Variants in FRMPD2 observed in about 807,000 individuals in gnomAD.
FRMPD2 encodes the protein FERM and PDZ domain-containing protein 2.
Under a neutral mutation model 140.1 loss-of-function variants are expected in FRMPD2, and 96 were observed. The observed-to-expected ratio is 0.69, with a 90% confidence interval of 0.58 to 0.81. FRMPD2 has a LOEUF of 0.81. FRMPD2 is among the 40% of genes least tolerant of loss of function. The probability of loss-of-function intolerance (pLI) is 0.00; values close to 1 mark genes in which losing one functional copy is unlikely to be tolerated. For synonymous variants in FRMPD2, 449 were observed against 547.6 expected (o/e 0.82, Z 2.52); for missense variants, 1,240 against 1,447.4 (o/e 0.86, Z 2.32).
chr10:48,268,410 A>G (rs149785789), intron 1 of FRMPD2, among the ~76,000 whole-genome samples: 1 of 152,364 alleles, frequency 6.6e-6, no homozygotes, highest in East Asian at 1.9e-4. Context: ...CAGAGGAAAA[A>G]AAATGAATAT....
intron 22 of FRMPD2, chr10:48,177,463 T>G (rs1227164283): frequency 6.5e-6 from 1 of 153,656 alleles, no homozygotes; most frequent in Non-Finnish European, 1.4e-5. Flanking sequence ...TTCCAACCTC[T>G]GACCTCTGGA....
intron 3 of FRMPD2, among the ~76,000 whole-genome samples, chr10:48,247,331 A>C (rs1438563991): frequency 2.6e-5 from 4 of 152,246 alleles, no homozygotes. Flanking sequence ...AATCTGTGTT[A>C]GCTCAGGTAC....
chr10:48,197,573 T>C (rs1838981723), intron 15 of FRMPD2, among the ~76,000 whole-genome samples: 1 of 152,190 alleles, frequency 6.6e-6, no homozygotes, highest in Non-Finnish European at 1.5e-5. Flanking sequence ...CAGATTCAGA[T>C]GGTCTGGAGT....
chr10:48,178,642 A>G (rs1347210484), intron 21 of FRMPD2, among the ~76,000 whole-genome samples: 2 of 152,180 alleles, frequency 1.3e-5, no homozygotes, highest in Admixed American at 1.3e-4. Context: ...GAGACCCAGA[A>G]GAGCCTGCAG....
chr10:48,222,747 CAA>C (rs1839633435), intron 11 of FRMPD2, among the ~76,000 whole-genome samples: 1 of 152,136 alleles, frequency 6.6e-6, no homozygotes, highest in Non-Finnish European at 1.5e-5. Flanking sequence ...TTCTAATAAA[CAA>C]AGAAATAAAG....
chr10:48,217,292 C>A (rs1219990134), intron 12 of FRMPD2, among the ~76,000 whole-genome samples: 2 of 152,162 alleles, frequency 1.3e-5, no homozygotes, highest in Non-Finnish European at 2.9e-5. Flanking sequence ...ACAAAAACAC[C>A]CTTACCCTCA....
In FRMPD2 at chr10:48,222,465, A is replaced by C. The variant is rs1839623834; in HGVS notation, c.1317-14T>G. Reference sequence around the variant, plus strand: ...GTCAGGCTGTGCCTGGAAAAGAAGTAGCAATAAAAAGGGCTGGGTTGCTAA... The same window carrying C: ...GTCAGGCTGTGCCTGGAAAAGAAGTCGCAATAAAAAGGGCTGGGTTGCTAA... On this transcript the variant is annotated splice_polypyrimidine_tract_variant and intron_variant, in intron 11 of 28. Transcript: ENST00000374201. 6.2e-7 allele frequency: 1 copy of C among 1,613,332 alleles called. No individual in the cohort carries two copies. The highest frequency in any genetic ancestry group is 1.7e-5 in the Admixed American group (1 of 59,924).
intron 16 of FRMPD2, among the ~76,000 whole-genome samples, 183 bp downstream of exon 16, chr10:48,192,501 C>T (rs1002095457): frequency 6.6e-6 from 1 of 152,034 alleles, no homozygotes; most frequent in Non-Finnish European, 1.5e-5. Flanking sequence ...GCAGGAGAAT[C>T]GCTTGAACCT....
intron 1 of FRMPD2, among the ~76,000 whole-genome samples, chr10:48,266,999 G>C (rs927744601): frequency 6.6e-6 from 1 of 151,466 alleles, no homozygotes; most frequent in African/African-American, 2.5e-5. Flanking sequence ...AGGTTATCAA[G>C]AGAGACTGAG....
intron 15 of FRMPD2, chr10:48,199,591 T>C (rs1288061489): frequency 6.6e-6 from 1 of 152,236 alleles, no homozygotes; most frequent in Non-Finnish European, 1.5e-5. Context: ...ATTATGTGTA[T>C]TGCAGAAACA....
Position 48,240,413 on chromosome 10 carries a change from G to A in FRMPD2, c.647C>T (p.Thr216Ile), listed in dbSNP as rs753960656. The A allele has an allele frequency of 5.9e-5, 95 of 1,613,356 alleles. No homozygotes were observed. In the South Asian group the frequency reaches 7.4e-4, roughly 12 times the overall value. ...SYLLRKRLRG[T>I]SSESPAAQAP... ...CTGTGCCGCTGGGCTCTCGCTGCTTGTCCCACGCAGCCTCTTCCTGAGCAG... is the reference window on the plus strand; with the variant it reads ...CTGTGCCGCTGGGCTCTCGCTGCTTATCCCACGCAGCCTCTTCCTGAGCAG... The change falls in exon 6 of 29, where the codon ACA (threonine) becomes ATA (isoleucine). Residue 216 changes from threonine (T) to isoleucine (I), a missense_variant. This residue lies in a region of FRMPD2 where 1,161 missense variants were observed against 1,055.9 expected (regional missense o/e 1.10). Coordinates refer to ENST00000374201, the MANE Select transcript of FRMPD2 (RefSeq NM_001018071.4).
At position 48,201,283 on chromosome 10, in the gene FRMPD2, G is replaced by T. The variant is rs778585057; in HGVS notation, c.1899C>A (p.Ala633=). The T allele has an allele frequency of 6.2e-7, 1 of 1,613,808 alleles. No homozygotes were observed. The highest frequency in any genetic ancestry group is 8.5e-7 in the Non-Finnish European group (1 of 1,179,804). Residue 633 remains alanine (A), a synonymous_variant, in exon 15 of 29, where the codon GCC becomes GCA. Transcript: ENST00000374201. The part of the protein sequence containing the change: ...TSKYLLDLCS[A]QHGFNAQMGS... ...CCATCTGTGCATTAAACCCATGCTG[G>T]GCTGAGCAGAGGTCCAGTAAGTATT...
rs540370935 is a variant in FRMPD2, at chr10:48,240,116, T to C, written c.700+244A>G. On this transcript the variant is annotated intron_variant, in intron 6 of 28. Transcript: ENST00000374201. ...ATTTGGATTTTCTCAACTTGGACAGTTAGAACTCATTTTTAAAGTTTTCAT... is the reference window on the plus strand; with the variant it reads ...ATTTGGATTTTCTCAACTTGGACAGCTAGAACTCATTTTTAAAGTTTTCAT... Among the ~76,000 whole-genome samples the C allele has an allele frequency of 8.5e-5, 13 of 152,364 alleles. No individual in the cohort carries two copies. In the East Asian group the frequency reaches 2.5e-3, roughly 29 times the overall value.
chr10:48,241,952 A>G, intron 5 of FRMPD2: 2 of 381,806 alleles, frequency 5.2e-6, no homozygotes, highest in Admixed American at 3.9e-5. Flanking sequence ...GCCCAATAGA[A>G]CTGCAATGAC....
chr10:48,237,513 TTGAC>T (rs1839994298), intron 8 of FRMPD2, among the ~76,000 whole-genome samples: 1 of 152,100 alleles, frequency 6.6e-6, no homozygotes, highest in Admixed American at 6.5e-5. Flanking sequence ...TTAACTAACT[TTGAC>T]AGACAGACAG....
chr10:48,187,364 T>C, intron 16 of FRMPD2, 72 bp from the exon 17 acceptor site: 2 of 1,337,336 alleles, frequency 1.5e-6, no homozygotes, highest in South Asian at 2.5e-5. Flanking sequence ...ATAAGGTGGC[T>C]CAGGGAGGCA....
chr10:48,189,039 T>G (rs952150937), intron 16 of FRMPD2, among the ~76,000 whole-genome samples: 2 of 152,202 alleles, frequency 1.3e-5, no homozygotes, highest in Non-Finnish European at 1.5e-5. Flanking sequence ...ATGAATGGAC[T>G]GCGTGCTACT....
intron 10 of FRMPD2, among the ~76,000 whole-genome samples, chr10:48,224,405 C>T (rs1839677041): frequency 6.6e-6 from 1 of 152,224 alleles, no homozygotes; most frequent in African/African-American, 2.4e-5. Flanking sequence ...GAAGGCAGAA[C>T]TTTTAAACTG....
At chr10:48,250,537 A>G (rs1359475260) in intron 2 of FRMPD2, among the ~76,000 whole-genome samples, 1 of 151,992 alleles carries the variant, frequency 6.6e-6, no homozygotes, top group East Asian at 1.9e-4. Flanking sequence ...AGTAGCTGGG[A>G]TTATAAGTGC....
Sources: allele counts gnomAD v4.1 joint callset (sites outside exome capture counted in the v4.1 genomes callset), GRCh38; gene constraint gnomAD v4.1.1; regional missense constraint gnomAD v4.1.1; transcripts MANE v1.5; gene names NCBI Gene and HGNC (gene_info 2026-07-23, HGNC 2026-07-21).